ZNF385D: variants seen among roughly 807,000 people sequenced by gnomAD.
ZNF385D encodes zinc finger protein 385D.
In ZNF385D, 15 loss-of-function variants were observed where a neutral mutation model predicts 35.8. The observed-to-expected ratio is 0.42, with a 90% CI of 0.28 to 0.64. The LOEUF (loss-of-function observed/expected upper bound fraction) is 0.64, where lower values mean the gene tolerates loss of function less well. Among genes scored for constraint, ZNF385D ranks in the 30% least tolerant of loss-of-function variants. The pLI, the probability that ZNF385D is intolerant of heterozygous loss-of-function variation, is 0.23. For missense variants in ZNF385D, 474 were observed against 494.6 expected, an observed-to-expected ratio of 0.96 and a Z score of 0.39; for synonymous variants, 212 against 186.8, an observed-to-expected ratio of 1.13 and a Z score of -1.10.
intron 3 of ZNF385D, among the ~76,000 whole-genome samples, chr3:21,987,091 C>G (rs1479005075): frequency 1.7e-5 from 2 of 119,514 alleles, no homozygotes; most frequent in Non-Finnish European, 3.3e-5. Flanking sequence ...TTCCTGAATA[C>G]AGCACACTGA....
At chr3:22,091,923 G>A (rs1465598558) in intron 3 of ZNF385D, among the ~76,000 whole-genome samples, 2 of 152,110 alleles carry the variant, frequency 1.3e-5, no homozygotes. Flanking sequence ...GGAATTTGAG[G>A]AGTAATTAAT....
At chr3:22,106,309 G>A (rs1702210243) in intron 3 of ZNF385D, among the ~76,000 whole-genome samples, 1 of 152,134 alleles carries the variant, frequency 6.6e-6, no homozygotes, top group Non-Finnish European at 1.5e-5. Flanking sequence ...CTTGGATGAA[G>A]TAAGGACAAT....
At chr3:22,319,767 A>G (rs1050178140) in intron 2 of ZNF385D, among the ~76,000 whole-genome samples, 5 of 152,208 alleles carry the variant, frequency 3.3e-5, no homozygotes, top group Non-Finnish European at 5.9e-5. Flanking sequence ...AGAGACCACA[A>G]TAAGCACAAG....
At chr3:22,016,434 C>T (rs1035886947) in intron 3 of ZNF385D, among the ~76,000 whole-genome samples, 1 of 152,082 alleles carries the variant, frequency 6.6e-6, no homozygotes, top group Non-Finnish European at 1.5e-5. Flanking sequence ...TTGTGCAGAC[C>T]AAGGTAAACA....
chr3:21,733,759 T>G (rs73046283), intron 1 of ZNF385D, among the ~76,000 whole-genome samples: 5,691 of 152,264 alleles, frequency 0.037, 191 homozygotes, highest in African/African-American at 0.086. Flanking sequence ...GCAATTTATT[T>G]CAGTGTAAGA....
chr3:21,812,618 C>A (rs1039952620), intron 3 of ZNF385D, among the ~76,000 whole-genome samples: 2 of 152,186 alleles, frequency 1.3e-5, no homozygotes, highest in African/African-American at 4.8e-5. Flanking sequence ...AGTCCGAGAT[C>A]GAACTGCAAG....
At chr3:21,896,611 G>A (rs943757000) in intron 3 of ZNF385D, among the ~76,000 whole-genome samples, 1 of 152,124 alleles carries the variant, frequency 6.6e-6, no homozygotes, top group Non-Finnish European at 1.5e-5. Flanking sequence ...CTATTTAGGA[G>A]GTACTTGATT....
intron 3 of ZNF385D, among the ~76,000 whole-genome samples, chr3:22,088,731 A>G (rs922276986): frequency 2.0e-5 from 3 of 152,174 alleles, no homozygotes; most frequent in South Asian, 2.1e-4. Context: ...TAACAAAGCA[A>G]AAGATTCCCA....
At chr3:22,321,973 T>C (rs1172787398) in intron 2 of ZNF385D, among the ~76,000 whole-genome samples, 1 of 152,158 alleles carries the variant, frequency 6.6e-6, no homozygotes, top group Non-Finnish European at 1.5e-5. Flanking sequence ...CCTACTTCCA[T>C]TCCTCTCAAA....
intron 3 of ZNF385D, among the ~76,000 whole-genome samples, chr3:21,901,538 A>T (rs528060802): frequency 6.6e-6 from 1 of 152,208 alleles, no homozygotes; most frequent in South Asian, 2.1e-4. Context: ...TGCATTGTGG[A>T]TGCCAGGCAC....
intron 3 of ZNF385D, among the ~76,000 whole-genome samples, chr3:22,048,610 G>C (rs1166658670): frequency 6.6e-6 from 1 of 152,136 alleles, no homozygotes; most frequent in Non-Finnish European, 1.5e-5. Flanking sequence ...CTATGTGTCT[G>C]TTTTTGTAAC....
intron 2 of ZNF385D, among the ~76,000 whole-genome samples, chr3:22,343,280 C>G (rs1695505503): frequency 6.6e-6 from 1 of 152,088 alleles, no homozygotes; most frequent in Non-Finnish European, 1.5e-5. Context: ...ACAAAACAAC[C>G]CAGCAATGAT....
At chr3:21,844,413 C>A (rs2670272) in intron 3 of ZNF385D, among the ~76,000 whole-genome samples, 144,925 of 150,826 alleles carry the variant, frequency 0.96, 69,580 homozygotes, top group East Asian at 1. Flanking sequence ...TGATGATTAG[C>A]CATTATAGAT....
At chr3:22,137,108 T>C (rs760548455) in intron 3 of ZNF385D, among the ~76,000 whole-genome samples, 13 of 152,150 alleles carry the variant, frequency 8.5e-5, no homozygotes, top group Non-Finnish European at 1.6e-4. Flanking sequence ...TTACCTAAAC[T>C]AATATTTGGG....
Position 21,837,598 on chromosome 3 carries a change from G to A in ZNF385D, c.326-172570C>T, listed in dbSNP as rs1402428638. ...GGATTTAAAAGGTTGGAGAGGCCAG[G>A]TGCAGTGGCTCACACCTGTAATCTT... is the stretch of plus-strand genomic sequence containing the variant. On this transcript the variant is annotated intron_variant, in intron 3 of 5. Coordinates refer to the ZNF385D transcript ENST00000494108. Among the ~76,000 whole-genome samples the A allele has an allele frequency of 9.9e-5, 15 of 152,090 alleles. 1 individual carries two copies.
chr3:21,446,617 C>G lies in ZNF385D; in HGVS notation c.440-9414G>C, dbSNP rs538742805. On this transcript the variant is annotated intron_variant, in intron 4 of 7. Transcript: ENST00000281523. ...CAAGTGATTCTTCTGCCTCAGCCTC[C>G]TGAGTAGCTGGGATTACAGGGGTGT... Among the ~76,000 whole-genome samples, 5 of 151,500 alleles carry G rather than the reference C, an allele frequency of 3.3e-5. No homozygotes were observed. The East Asian group carries it at 9.8e-4, about 30-fold the overall frequency.
chr3:21,612,096 T>G (rs938766660), intron 2 of ZNF385D, among the ~76,000 whole-genome samples: 1 of 151,760 alleles, frequency 6.6e-6, no homozygotes, highest in Non-Finnish European at 1.5e-5. Context: ...TATTATTATT[T>G]GAGATGGAGT....
intron 2 of ZNF385D, chr3:21,579,114 CA>C (rs887875535): frequency 6.6e-6 from 1 of 152,066 alleles, no homozygotes; most frequent in African/African-American, 2.4e-5. Flanking sequence ...CCTATTGCCA[CA>C]AAGAGAAGTC....
At chr3:22,022,569 A>C (rs186842846) in intron 3 of ZNF385D, among the ~76,000 whole-genome samples, 1 of 152,202 alleles carries the variant, frequency 6.6e-6, no homozygotes, top group African/African-American at 2.4e-5. Context: ...GATTTATCAT[A>C]AATTCCTGTT....
Sources: gnomAD v4.1 joint callset for allele counts (sites outside exome capture counted in the v4.1 genomes callset) on GRCh38, gnomAD v4.1.1 for gene constraint, MANE v1.5 for transcripts, NCBI Gene and HGNC (gene_info 2026-07-23, HGNC 2026-07-21) for gene names.